Variants in PIMREG observed in about 807,000 individuals in gnomAD.
PIMREG encodes PICALM interacting mitotic regulator, also known as protein PIMREG.
In PIMREG, 19 loss-of-function variants were observed where a neutral mutation model predicts 24.3. The ratio of observed to expected loss-of-function variants is 0.78; its 90% CI spans 0.54 to 1.15. The LOEUF (loss-of-function observed/expected upper bound fraction) is 1.15, where lower values mean the gene tolerates loss of function less well. PIMREG is among the 50% of genes most tolerant of loss of function. PIMREG has a pLI of 0.00. For missense variants in PIMREG, 283 were observed against 306.8 expected (o/e 0.92, Z 0.58); for synonymous variants, 112 against 124.1 (o/e 0.90, Z 0.65).
chr17:6,444,708 G>A lies in PIMREG; in HGVS notation c.-36+220G>A, dbSNP rs988048103. On this transcript the variant is annotated intron_variant, in intron 1 of 5. Transcript: ENST00000572447. This position sits in a 1 kb window ranked among gnomAD's most constrained non-coding sequence, Gnocchi z 4.3. ...CGTCTGGTGGGAAGGCCGGGGTCTG[G>A]GCGGGTGCGCGTTTGGTCTGGGCGA... 1.1e-4 allele frequency among the ~76,000 whole-genome samples: 17 copies of A among 152,126 alleles called. No homozygotes were observed. The highest frequency in any genetic ancestry group is 3.9e-4 in the African/African-American group (16 of 41,420).
chr17:6,448,282 C>CAAAAAAAA (rs71154695), intron 3 of PIMREG, among the ~76,000 whole-genome samples: 11,035 of 41,068 alleles, frequency 0.27, 2,965 homozygotes, highest in Non-Finnish European at 0.32. Context: ...GACCCTGTCT[C>CAAAAAAAA]AAAAAAAAAA....
rs977699075 is a variant in PIMREG at position 6,450,721 on chromosome 17, G to A, written c.*374G>A. The A allele has an allele frequency of 3.8e-5, 13 of 342,458 alleles. No homozygotes were observed. The highest frequency in any genetic ancestry group is 4.6e-5 in the East Asian group (1 of 21,570). 21.2% of individuals were successfully genotyped at this position (342,458 alleles called of 1,614,324 possible). Reference sequence around the variant, plus strand: ...TTTGAGAGCTCTTAGCTCTGTACCCGGGTGCCTGGTTTTTGGGGAGTCATC... The same window carrying A: ...TTTGAGAGCTCTTAGCTCTGTACCCAGGTGCCTGGTTTTTGGGGAGTCATC... On this transcript the variant is annotated 3_prime_UTR_variant, in exon 6 of 6. Transcript: ENST00000572447.
At chr17:6,449,866 T>G (rs1913748198) in intron 4 of PIMREG, 162 bp from the exon 5 acceptor site, 6 of 1,381,608 alleles carry the variant, frequency 4.3e-6, no homozygotes, top group Non-Finnish European at 5.8e-6. Context: ...TCCACTTGTA[T>G]AATGGCCATG....
Position 6,448,916 on chromosome 17 carries a change from G to A in PIMREG, c.591-396G>A, listed in dbSNP as rs578075659. On this transcript the variant is annotated intron_variant, in intron 3 of 5. Coordinates refer to ENST00000572447, the MANE Select transcript of PIMREG (RefSeq NM_019013.3). ...ACTCTCCACATCTGTATTCTGACCC[G>A]GTTCCGCGTCCAGAGCCAGCAGGGG... Among the ~76,000 whole-genome samples the A allele has an allele frequency of 2.2e-4, 34 of 152,274 alleles. 1 individual carries two copies. The highest frequency in any genetic ancestry group is 6.8e-3 in the Middle Eastern group (2 of 294).
At chr17:6,448,979 C>T (rs1484844025) in intron 3 of PIMREG, among the ~76,000 whole-genome samples, 1 of 152,198 alleles carries the variant, frequency 6.6e-6, no homozygotes, top group African/African-American at 2.4e-5. Flanking sequence ...TTTCTCTGTC[C>T]GTAAAGGAAG....
intron 3 of PIMREG, 85 bp downstream of exon 3, chr17:6,447,843 T>C: frequency 1.4e-6 from 2 of 1,444,326 alleles, no homozygotes; most frequent in Non-Finnish European, 1.9e-6. Context: ...AGACACCAAC[T>C]GGGCCCTAGG....
chr17:6,447,404 C>T lies in PIMREG; in HGVS notation c.295-59C>T, dbSNP rs527824669. 5.2e-5 allele frequency: 82 copies of T among 1,563,950 alleles called. No homozygotes were observed. In the African/African-American group the frequency reaches 1.0e-3, roughly 19 times the overall value. On this transcript the variant is annotated intron_variant, in intron 2 of 5. Transcript: ENST00000572447. ...GTACTGGGATTATAGGCGTGAGCCA[C>T]CGCGCCCGGCCTAACTTTTGGTTTT... is the stretch of plus-strand genomic sequence containing the variant.
intron 4 of PIMREG, chr17:6,449,777 TG>T: frequency 7.1e-7 from 1 of 1,414,080 alleles, no homozygotes; most frequent in Non-Finnish European, 9.2e-7. Context: ...ATGGAGTTCC[TG>T]GTCTGTCTGC....
chr17:6,444,979 T>C lies in PIMREG; in HGVS notation c.-35-97T>C. The C allele has an allele frequency of 9.9e-7, 1 of 1,008,562 alleles. No individual in the cohort carries two copies. The highest frequency in any genetic ancestry group is 3.2e-4 in the Middle Eastern group (1 of 3,116). The allele number at this position is 1,008,562 out of a possible 1,614,324, so 62.5% of individuals were successfully genotyped here. On this transcript the variant is annotated intron_variant, in intron 1 of 5. Coordinates refer to ENST00000572447, the MANE Select transcript of PIMREG (RefSeq NM_019013.3). The surrounding 1 kb of genome is among the most constrained non-coding windows in gnomAD (Gnocchi z 4.3). The stretch of plus-strand genomic sequence containing the variant: ...AACTCGCCCGCCCCCGCCACCCCGC[T>C]GCATCCCGTCTCTTCCCCTGTGTCC...
In PIMREG at chr17:6,447,308, G is replaced by C. The variant is rs986834095; in HGVS notation, c.295-155G>C. 6.6e-5 allele frequency: 53 copies of C among 799,490 alleles called. No individual in the cohort carries two copies. The African/African-American group carries it at 9.0e-4, about 14-fold the overall frequency. 49.5% of individuals were successfully genotyped at this position (799,490 alleles called of 1,614,324 possible). On this transcript the variant is annotated intron_variant, in intron 2 of 5. Coordinates refer to ENST00000572447, the MANE Select transcript of PIMREG (RefSeq NM_019013.3). ...TTTTTGCATTTTTAGTAGAAATGGG[G>C]TTACACCATGTTGGCCAGGCTGGTC... is the stretch of plus-strand genomic sequence containing the variant.
Position 6,448,282 on chromosome 17 carries a change from C to CAAAAAAAAAAAA in PIMREG, c.590+533_590+544dup, listed in dbSNP as rs71154695. ...AGGGCCACAGAGCCAGACCCTGTCT[C>CAAAAAAAAAAAA]AAAAAAAAAAAAAAAAAAAAGAGAG... On this transcript the variant is annotated intron_variant, in intron 3 of 5. Transcript: ENST00000572447. Among the ~76,000 whole-genome samples, 220 of 41,216 alleles carry CAAAAAAAAAAAA rather than the reference C, an allele frequency of 5.3e-3. 16 individuals carry two copies. Among genetic ancestry groups the CAAAAAAAAAAAA allele is most frequent in the African/African-American group, 0.013 (136 of 10,548 alleles). 27.0% of individuals were successfully genotyped at this position (41,216 alleles called of 152,430 possible).
chr17:6,445,228 G>T lies in PIMREG; in HGVS notation c.118G>T (p.Val40Leu). 6.2e-7 allele frequency: 1 copy of T among 1,613,824 alleles called. No individual in the cohort carries two copies. Among genetic ancestry groups the T allele is most frequent in the Admixed American group, 1.7e-5 (1 of 60,020 alleles). ...QPVVSHQETS[V>L]GALGSLCRQF... ...TGTGGTCAGCCATCAGGAGACCTCT[G>T]TAGGGGCCCTGGGGTCCCTGTGCAG... The change falls in exon 2 of 6, where the codon GTA becomes TTA. Residue 40 changes from valine to leucine, a missense_variant. Val to Leu is a conservative substitution (Grantham distance 32). Coordinates refer to ENST00000572447, the MANE Select transcript of PIMREG (RefSeq NM_019013.3).
At position 6,444,940 on chromosome 17, in the gene PIMREG, C is replaced by A. The variant is rs1597348403; in HGVS notation, c.-35-136C>A. 1 of 588,828 alleles carries A rather than the reference C, an allele frequency of 1.7e-6. No homozygotes were observed. Among genetic ancestry groups the A allele is most frequent in the East Asian group, 3.1e-5 (1 of 32,666 alleles). The allele number at this position is 588,828 out of a possible 1,614,324, so 36.5% of individuals were successfully genotyped here. On this transcript the variant is annotated intron_variant, in intron 1 of 5. Transcript: ENST00000572447. The surrounding 1 kb of genome is among the most constrained non-coding windows in gnomAD (Gnocchi z 4.3). ...CTTCCAGGAAGCATCCTCCTTCCTG[C>A]ACCCACACTTACCAACTCGCCCGCC...
At position 6,445,222 on chromosome 17, in the gene PIMREG, A is replaced by G. The variant is rs756606281; in HGVS notation, c.112A>G (p.Thr38Ala). 6.2e-7 allele frequency: 1 copy of G among 1,612,594 alleles called. No homozygotes were observed. Among genetic ancestry groups the G allele is most frequent in the South Asian group, 1.1e-5 (1 of 90,980 alleles). ...GCAGCCTGTGGTCAGCCATCAGGAGACCTCTGTAGGGGCCCTGGGGTCCCT... is the reference window on the plus strand; with the variant it reads ...GCAGCCTGTGGTCAGCCATCAGGAGGCCTCTGTAGGGGCCCTGGGGTCCCT... ...ELQPVVSHQETSVGALGSLCR... is the reference protein window; with the variant it reads ...ELQPVVSHQEASVGALGSLCR... Residue 38 changes from threonine to alanine, a missense_variant, in exon 2 of 6, where the codon ACC (threonine) becomes GCC (alanine). Coordinates refer to ENST00000572447, the MANE Select transcript of PIMREG (RefSeq NM_019013.3).
rs1395824969 is a variant in PIMREG at position 6,450,462 on chromosome 17, G to A, written c.*115G>A. The A allele has an allele frequency of 2.6e-6, 4 of 1,512,302 alleles. No individual in the cohort carries two copies. The South Asian group carries it at 3.6e-5, about 14-fold the overall frequency. 93.7% of individuals were successfully genotyped at this position (1,512,302 alleles called of 1,614,324 possible). On this transcript the variant is annotated 3_prime_UTR_variant, in exon 6 of 6. Transcript: ENST00000572447. ...ACCCCCGGGAGTCGTCAGTACCCCT[G>A]GGCCACTGCTAACAAGCACCTAACA...
At chr17:6,445,869 G>A (rs1414911283) in intron 2 of PIMREG, among the ~76,000 whole-genome samples, 1 of 152,226 alleles carries the variant, frequency 6.6e-6, no homozygotes, top group African/African-American at 2.4e-5. Flanking sequence ...AGGAGAGCCA[G>A]AATTGTAGTC....
At chr17:6,447,967 G>C (rs1913650559) in intron 3 of PIMREG, among the ~76,000 whole-genome samples, 1 of 152,146 alleles carries the variant, frequency 6.6e-6, no homozygotes, top group Admixed American at 6.5e-5. Flanking sequence ...CAGATATCCA[G>C]TGCATGTATT....
At position 6,450,864 on chromosome 17, in the gene PIMREG, G is replaced by C. The variant is rs1913803166; in HGVS notation, c.*517G>C. 2 of 172,184 alleles carry C rather than the reference G, an allele frequency of 1.2e-5. No individual in the cohort carries two copies. Among genetic ancestry groups the C allele is most frequent in the Admixed American group, 5.7e-5 (1 of 17,500 alleles). The allele number at this position is 172,184 out of a possible 1,614,324, so 10.7% of individuals were successfully genotyped here. ...GCATAGGAGATATTTCCAGGCTTAC[G>C]ACCCTGGGCTCACGGGTACCTATTT... is the stretch of plus-strand genomic sequence containing the variant. On this transcript the variant is annotated 3_prime_UTR_variant, in exon 6 of 6. Coordinates refer to ENST00000572447, the MANE Select transcript of PIMREG (RefSeq NM_019013.3).
chr17:6,451,145 G>A lies in PIMREG; in HGVS notation c.*798G>A, dbSNP rs1913815604. 6.6e-6 allele frequency: 1 copy of A among 152,154 alleles called. No individual in the cohort carries two copies. Among genetic ancestry groups the A allele is most frequent in the Non-Finnish European group, 1.5e-5 (1 of 68,036 alleles). The allele number at this position is 152,154 out of a possible 1,614,324, so 9.4% of individuals were successfully genotyped here. On this transcript the variant is annotated 3_prime_UTR_variant, in exon 6 of 6. Transcript: ENST00000572447. ...CTGGGCTATAGATTTGTAATTTGTG[G>A]TTTGGGGTCTGGCCCTCATCCACCT...
Sources: gnomAD v4.1 joint callset for allele counts (sites outside exome capture counted in the v4.1 genomes callset) on GRCh38, gnomAD v4.1.1 for gene constraint, Gnocchi (gnomAD v3.1) non-coding constraint, MANE v1.5 for transcripts, NCBI Gene and HGNC (gene_info 2026-07-23, HGNC 2026-07-21) for gene names.